Variants in PAQR5 observed in about 807,000 individuals in gnomAD.
PAQR5 encodes progestin and adipoQ receptor family member 5.
PAQR5 carries 20 observed loss-of-function variants against 34.5 expected under a neutral mutation model. The ratio of observed to expected loss-of-function variants is 0.58; its 90% CI spans 0.41 to 0.84. PAQR5 has a LOEUF of 0.84. Ranked by LOEUF, PAQR5 falls within the 40% of genes least tolerant of loss-of-function variation. The probability of loss-of-function intolerance (pLI) is 0.00; values close to 1 mark genes in which losing one functional copy is unlikely to be tolerated. For missense variants in PAQR5, 378 were observed against 412.7 expected, an observed-to-expected ratio of 0.92 and a Z score of 0.73; for synonymous variants, 131 against 155.6, an observed-to-expected ratio of 0.84 and a Z score of 1.18.
chr15:69,348,292 A>G (rs1383128856), intron 2 of PAQR5, among the ~76,000 whole-genome samples: 1 of 152,246 alleles, frequency 6.6e-6, no homozygotes, highest in Non-Finnish European at 1.5e-5. Flanking sequence ...TCTTAAGTAT[A>G]AGAAGGACCC....
At chr15:69,355,039 G>A (rs559883405) in intron 2 of PAQR5, among the ~76,000 whole-genome samples, 30 of 152,246 alleles carry the variant, frequency 2.0e-4, no homozygotes, top group African/African-American at 6.3e-4. Context: ...TTCTGAGGCT[G>A]TAGGACTTGG....
chr15:69,403,465 T>C (rs1567046851), intron 8 of PAQR5, 116 bp from the exon 9 acceptor site: 2 of 874,498 alleles, frequency 2.3e-6, no homozygotes, highest in Non-Finnish European at 1.7e-6. Context: ...ATATAATATG[T>C]GGTCTCCTGT....
intron 3 of PAQR5, among the ~76,000 whole-genome samples, chr15:69,378,396 C>G (rs561767165): frequency 2.9e-4 from 37 of 128,920 alleles, no homozygotes; most frequent in Non-Finnish European, 5.0e-4. Flanking sequence ...ATGATTGCAC[C>G]ACTGTACTCC....
intron 5 of PAQR5, among the ~76,000 whole-genome samples, chr15:69,388,494 T>C (rs1240605799): frequency 6.6e-6 from 1 of 152,178 alleles, no homozygotes; most frequent in African/African-American, 2.4e-5. Flanking sequence ...CTGGGCAGGG[T>C]CAGAAGCTCC....
At chr15:69,360,172 T>G (rs2055195163) in intron 3 of PAQR5, 41 bp downstream of exon 3, 1 of 1,530,752 alleles carries the variant, frequency 6.5e-7, no homozygotes, top group African/African-American at 1.4e-5. Flanking sequence ...TTCCAGAGTG[T>G]GACCAGGGCT....
intron 4 of PAQR5, 68 bp downstream of exon 4, chr15:69,380,078 A>G: frequency 1.3e-6 from 2 of 1,554,192 alleles, no homozygotes; most frequent in Non-Finnish European, 1.8e-6. Context: ...GTCTTAAAAC[A>G]TGGCTAGTGT....
chr15:69,340,220 A>G lies in PAQR5; in HGVS notation c.-116+2719A>G, dbSNP rs77667326. Among the ~76,000 whole-genome samples, 11 of 151,724 alleles carry G rather than the reference A, an allele frequency of 7.3e-5. No individual in the cohort carries two copies. In the East Asian group the frequency reaches 2.1e-3, roughly 29 times the overall value. ...TTGTTTATGGCTTTTAGTAAGCAAT[A>G]CCTTTTGTCATAATCTAGTATACAC... On this transcript the variant is annotated intron_variant, in intron 2 of 8. Coordinates refer to ENST00000395407, the MANE Select transcript of PAQR5 (RefSeq NM_017705.4).
chr15:69,336,200 A>T (rs1020021429), intron 1 of PAQR5, among the ~76,000 whole-genome samples: 3 of 152,138 alleles, frequency 2.0e-5, no homozygotes, highest in African/African-American at 7.2e-5. Flanking sequence ...GTGACCTGGG[A>T]TTCTATTTTG....
intron 1 of PAQR5, among the ~76,000 whole-genome samples, chr15:69,320,228 C>T (rs543101413): frequency 1.6e-4 from 24 of 152,210 alleles, no homozygotes; most frequent in Admixed American, 7.8e-4. Flanking sequence ...CCCAGGCTGG[C>T]GTTTGGCACC....
chr15:69,406,923 A>T lies in PAQR5; in HGVS notation c.*3101A>T, dbSNP rs1376348979. ...GTTGGTAGGATGTTATGGGAAATTTAGAGGTCTTCTGAGTATAAAGTGGTT... is the reference window on the plus strand; with the variant it reads ...GTTGGTAGGATGTTATGGGAAATTTTGAGGTCTTCTGAGTATAAAGTGGTT... On this transcript the variant is annotated 3_prime_UTR_variant, in exon 9 of 9. Transcript: ENST00000395407. 1 of 151,944 alleles carries T rather than the reference A, an allele frequency of 6.6e-6. No homozygotes were observed. The highest frequency in any genetic ancestry group is 2.4e-5 in the African/African-American group (1 of 41,346). The allele number at this position is 151,944 out of a possible 1,614,324, so 9.4% of individuals were successfully genotyped here. A position where few individuals can be genotyped will look rare whatever the true frequency, so the allele number is the denominator to read the frequency against.
intron 3 of PAQR5, among the ~76,000 whole-genome samples, chr15:69,360,979 C>T (rs943375981): frequency 6.6e-6 from 1 of 152,118 alleles, no homozygotes; most frequent in African/African-American, 2.4e-5. Context: ...AAACCCTAAC[C>T]CTAAAAGCCT....
chr15:69,341,811 G>A (rs1037887884), intron 2 of PAQR5, among the ~76,000 whole-genome samples: 1 of 151,656 alleles, frequency 6.6e-6, no homozygotes, highest in South Asian at 2.1e-4. Flanking sequence ...TGGTGTGGTG[G>A]CATGTGTCTG....
chr15:69,358,358 A>G (rs555190160), intron 2 of PAQR5, among the ~76,000 whole-genome samples: 1 of 152,212 alleles, frequency 6.6e-6, no homozygotes, highest in Admixed American at 6.5e-5. Flanking sequence ...TGTGTGTCTC[A>G]GGGCAACCAA....
intron 3 of PAQR5, among the ~76,000 whole-genome samples, chr15:69,366,701 A>G (rs1008554472): frequency 6.6e-6 from 1 of 152,178 alleles, no homozygotes; most frequent in African/African-American, 2.4e-5. Context: ...AGTATTCCAT[A>G]TTTGTCCATA....
chr15:69,337,164 G>A (rs932622066), intron 1 of PAQR5, among the ~76,000 whole-genome samples, 177 bp from the exon 2 acceptor site: 3 of 152,188 alleles, frequency 2.0e-5, no homozygotes, highest in African/African-American at 7.2e-5. Context: ...TTTCTTTAGA[G>A]CTATTTGCAA....
intron 2 of PAQR5, among the ~76,000 whole-genome samples, chr15:69,352,602 G>A (rs569667751): frequency 2.6e-5 from 4 of 152,348 alleles, no homozygotes; most frequent in East Asian, 1.9e-4. Flanking sequence ...ATGGATCTGC[G>A]TGATATGCAG....
chr15:69,327,409 CCT>C (rs2140646415), intron 1 of PAQR5, among the ~76,000 whole-genome samples: 1 of 152,202 alleles, frequency 6.6e-6, no homozygotes, highest in Non-Finnish European at 1.5e-5. Flanking sequence ...GCTCTTTCCC[CCT>C]CTCTCCACTC....
chr15:69,332,591 G>T (rs187274688), intron 1 of PAQR5, among the ~76,000 whole-genome samples: 3 of 151,902 alleles, frequency 2.0e-5, no homozygotes, highest in Admixed American at 2.0e-4. Flanking sequence ...TTTGCTTTTT[G>T]ACAATGGCAG....
At chr15:69,384,021 A>T (rs2056018404) in intron 4 of PAQR5, among the ~76,000 whole-genome samples, 1 of 91,928 alleles carries the variant, frequency 1.1e-5, no homozygotes, top group Admixed American at 1.0e-4. Context: ...GTGGAGGGTG[A>T]GTGGGCCTCT....
Sources: allele counts gnomAD v4.1 joint callset (sites outside exome capture counted in the v4.1 genomes callset), GRCh38; gene constraint gnomAD v4.1.1; transcripts MANE v1.5; gene names NCBI Gene and HGNC (gene_info 2026-07-23, HGNC 2026-07-21).